Variants in PARD3B observed in about 807,000 individuals in gnomAD.
PARD3B encodes the protein par-3 family cell polarity regulator beta.
PARD3B carries 103 observed loss-of-function variants against 130.2 expected under a neutral mutation model. The ratio of observed to expected loss-of-function variants is 0.79; its 90% CI spans 0.67 to 0.93. The LOEUF (loss-of-function observed/expected upper bound fraction) is 0.93. Ranked by LOEUF, PARD3B falls within the 40% of genes least tolerant of loss-of-function variation. The probability of loss-of-function intolerance (pLI) is 0.00; values close to 1 mark genes in which losing one functional copy is unlikely to be tolerated. For synonymous variants in PARD3B, 583 were observed against 553.2 expected (o/e 1.05, Z -0.76); for missense variants, 1,609 against 1,499.2 (o/e 1.07, Z -1.21).
intron 2 of PARD3B, among the ~76,000 whole-genome samples, chr2:204,784,927 C>T (rs16836626): frequency 0.01 from 1,539 of 152,180 alleles, 32 homozygotes; most frequent in African/African-American, 0.035. Flanking sequence ...TGTATTTTTA[C>T]GTCTTGTGTT....
At chr2:204,798,854 G>GGTCCTTAAT (rs1221691573) in intron 2 of PARD3B, among the ~76,000 whole-genome samples, 11 of 152,056 alleles carry the variant, frequency 7.2e-5, no homozygotes, top group Non-Finnish European at 1.2e-4. Context: ...AGGAGCCGTT[G>GGTCCTTAAT]GTCCTTGAAT....
intron 2 of PARD3B, among the ~76,000 whole-genome samples, chr2:204,941,525 T>G (rs1453070929): frequency 6.6e-6 from 1 of 152,246 alleles, no homozygotes; most frequent in Non-Finnish European, 1.5e-5. Context: ...CTAGCAGGAT[T>G]AGATTTATTA....
Position 204,943,068 on chromosome 2 carries a change from A to G in PARD3B, c.223-22084A>G, listed in dbSNP as rs1359346272. ...AAGACAAGAAAGACTTTGTGTAAAA[A>G]GACAAGAAAGACTTTGTGTAAATAC... On this transcript the variant is annotated intron_variant, in intron 2 of 22. Coordinates refer to ENST00000406610, the MANE Select transcript of PARD3B (RefSeq NM_001302769.2). The surrounding 1 kb of genome is among the most constrained non-coding windows in gnomAD (Gnocchi z 4.2). 6.6e-6 allele frequency among the ~76,000 whole-genome samples: 1 copy of G among 152,164 alleles called. No individual in the cohort carries two copies. The highest frequency in any genetic ancestry group is 1.5e-5 in the Non-Finnish European group (1 of 68,036).
intron 1 of PARD3B, among the ~76,000 whole-genome samples, chr2:204,567,457 G>T (rs1486561904): frequency 1.3e-5 from 2 of 152,096 alleles, no homozygotes; most frequent in Admixed American, 1.3e-4. Flanking sequence ...AAGTGGAATC[G>T]TGCACTATCT....
intron 19 of PARD3B, among the ~76,000 whole-genome samples, chr2:205,416,493 G>C (rs752040576): frequency 6.6e-6 from 1 of 152,142 alleles, no homozygotes; most frequent in Non-Finnish European, 1.5e-5. Context: ...TGGGGGTAAA[G>C]GGACTGGAAC....
intron 21 of PARD3B, among the ~76,000 whole-genome samples, chr2:205,518,839 C>A (rs891212037): frequency 1.2e-4 from 19 of 152,038 alleles, no homozygotes; most frequent in Admixed American, 3.3e-4. Flanking sequence ...TGCTTAGGAA[C>A]CTTAGTTTAG....
intron 2 of PARD3B, among the ~76,000 whole-genome samples, chr2:204,963,828 G>T (rs1299773288): frequency 6.6e-6 from 1 of 152,086 alleles, no homozygotes; most frequent in Admixed American, 6.5e-5. Context: ...ATAATGCCTT[G>T]GGAGTAGCAT....
chr2:204,718,115 T>C (rs1403778968), intron 2 of PARD3B, among the ~76,000 whole-genome samples: 1 of 151,864 alleles, frequency 6.6e-6, no homozygotes, highest in Non-Finnish European at 1.5e-5. Flanking sequence ...AAGGGAAAAA[T>C]TGTCAGGACC....
chr2:205,103,615 C>T lies in PARD3B; in HGVS notation c.505-811C>T, dbSNP rs908156270. The T allele has an allele frequency of 4.2e-5, 29 of 692,548 alleles. 1 individual carries two copies. The highest frequency in any genetic ancestry group is 3.2e-4 in the Admixed American group (5 of 15,864). The allele number at this position is 692,548 out of a possible 1,614,324, so 42.9% of individuals were successfully genotyped here. A position where few individuals can be genotyped will look rare whatever the true frequency, so the allele number is the denominator to read the frequency against. ...GTTGCTTTGATGAAACCGGAGTCCACGTGTAACAATAGTTTATTGTGACTC... is the reference window on the plus strand; with the variant it reads ...GTTGCTTTGATGAAACCGGAGTCCATGTGTAACAATAGTTTATTGTGACTC... On this transcript the variant is annotated intron_variant, in intron 4 of 22. Transcript: ENST00000406610.
intron 19 of PARD3B, among the ~76,000 whole-genome samples, chr2:205,420,424 G>A (rs553765198): frequency 3.3e-5 from 5 of 152,182 alleles, no homozygotes; most frequent in Admixed American, 6.5e-5. Context: ...TAATTTGTCC[G>A]TGGTACAAAA....
In PARD3B at chr2:205,272,816, C is replaced by T. The variant is rs867349105; in HGVS notation, c.2185+26994C>T. 5.7e-4 allele frequency among the ~76,000 whole-genome samples: 87 copies of T among 152,216 alleles called. 1 individual carries two copies. The highest frequency in any genetic ancestry group is 1.8e-3 in the African/African-American group (75 of 41,540). ...AAAACTTAACCTCAGATGCTTCATC[C>T]GTGTCTTATTATTCAAAACCATTAC... On this transcript the variant is annotated intron_variant, in intron 16 of 22. Transcript: ENST00000406610.
At chr2:205,254,802 C>A (rs893626350) in intron 16 of PARD3B, among the ~76,000 whole-genome samples, 4 of 151,122 alleles carry the variant, frequency 2.6e-5, no homozygotes, top group African/African-American at 9.7e-5. Context: ...GTAGCTGGGA[C>A]TACAGGCGCC....
At chr2:205,380,473 ATATT>A (rs1482869630) in intron 18 of PARD3B, among the ~76,000 whole-genome samples, 2 of 50,960 alleles carry the variant, frequency 3.9e-5, no homozygotes, top group Non-Finnish European at 6.6e-5. Context: ...TAAAGAATAT[ATATT>A]ATATATAATA....
chr2:205,575,289 C>T lies in PARD3B; in HGVS notation c.3260+21886C>T, dbSNP rs1264632098. Among the ~76,000 whole-genome samples, 2 of 152,066 alleles carry T rather than the reference C, an allele frequency of 1.3e-5. No individual in the cohort carries two copies. Among genetic ancestry groups the T allele is most frequent in the Non-Finnish European group, 2.9e-5 (2 of 68,012 alleles). On this transcript the variant is annotated intron_variant, in intron 22 of 22. Coordinates refer to ENST00000406610, the MANE Select transcript of PARD3B (RefSeq NM_001302769.2). This position sits in a 1 kb window ranked among gnomAD's most constrained non-coding sequence, Gnocchi z 4.6. The stretch of plus-strand genomic sequence containing the variant: ...ACACAGATTTCTCATAAACCTGCCA[C>T]CTCAACACATGCGTAACTTCCCTCA...
intron 2 of PARD3B, among the ~76,000 whole-genome samples, chr2:204,739,820 T>A (rs994372633): frequency 5.3e-5 from 8 of 152,048 alleles, no homozygotes; most frequent in East Asian, 3.9e-4. Flanking sequence ...CGGAAAAAAA[T>A]TTTTGGTTTT....
intron 21 of PARD3B, among the ~76,000 whole-genome samples, chr2:205,510,616 A>G (rs1016942109): frequency 6.6e-6 from 1 of 152,156 alleles, no homozygotes; most frequent in South Asian, 2.1e-4. Flanking sequence ...GGCACACCTA[A>G]TCTCTTTAAT....
intron 16 of PARD3B, among the ~76,000 whole-genome samples, chr2:205,293,228 T>G (rs535335678): frequency 9.2e-5 from 14 of 152,242 alleles, no homozygotes; most frequent in Non-Finnish European, 1.6e-4. Context: ...TGACCTTTTA[T>G]GTTATGCTAA....
chr2:204,825,366 G>T (rs1325245912), intron 2 of PARD3B, among the ~76,000 whole-genome samples: 1 of 152,208 alleles, frequency 6.6e-6, no homozygotes, highest in Non-Finnish European at 1.5e-5. Context: ...CACACAGTGG[G>T]AGGCAAATGT....
chr2:204,870,439 T>C (rs1252130129), intron 2 of PARD3B, among the ~76,000 whole-genome samples: 2 of 152,132 alleles, frequency 1.3e-5, no homozygotes, highest in Non-Finnish European at 2.9e-5. Flanking sequence ...GAGACACCGA[T>C]AGTGAAGCTC....
Sources: gnomAD v4.1 joint callset for allele counts (sites outside exome capture counted in the v4.1 genomes callset) on GRCh38, gnomAD v4.1.1 for gene constraint, Gnocchi (gnomAD v3.1) non-coding constraint, MANE v1.5 for transcripts, NCBI Gene and HGNC (gene_info 2026-07-23, HGNC 2026-07-21) for gene names.